Variants in GYG2 observed in about 807,000 individuals in gnomAD.
GYG2 encodes the protein glycogenin-2.
GYG2 carries 29 observed loss-of-function variants against 29.4 expected under a neutral mutation model. That is an observed-to-expected ratio of 0.99 (90% confidence interval 0.74 to 1.35). GYG2 has a LOEUF of 1.35. Among genes scored for constraint, GYG2 ranks in the 40% most tolerant of loss-of-function variants. GYG2 has a pLI of 0.00. For synonymous variants in GYG2, 167 were observed against 172.3 expected (o/e 0.97, Z 0.24); for missense variants, 370 against 385.7 (o/e 0.96, Z 0.34).
chrX:2,850,824 T>G lies in GYG2; in HGVS notation c.150-3156T>G, dbSNP rs138972950. Among the ~76,000 whole-genome samples, 174 of 110,043 alleles carry G rather than the reference T, an allele frequency of 1.6e-3. 1 individual carries two copies. The East Asian group carries it at 0.036, about 23-fold the overall frequency. ...ATCTTATAAAACGGCCCCACCCCTA[T>G]CTCCCTTCGCTGACTCTCTTTTCGG... On this transcript the variant is annotated intron_variant, in intron 3 of 10. Transcript: ENST00000398806.
Position 2,859,079 on chromosome X carries a change from A to G in GYG2, c.615-764A>G, listed in dbSNP as rs747226930. Among the ~76,000 whole-genome samples, 147 of 112,020 alleles carry G rather than the reference A, an allele frequency of 1.3e-3. 1 individual carries two copies. Among genetic ancestry groups the G allele is most frequent in the African/African-American group, 4.5e-3 (140 of 30,923 alleles). Reference sequence around the variant, plus strand: ...ATATATAGAAAATAAAATAACTGCAAAAACTGTGATTTAAAAAATATATCT... The same window carrying G: ...ATATATAGAAAATAAAATAACTGCAGAAACTGTGATTTAAAAAATATATCT... On this transcript the variant is annotated intron_variant, in intron 6 of 10. Coordinates refer to ENST00000398806, the MANE Select transcript of GYG2 (RefSeq NM_001079855.2).
At chrX:2,837,868 C>T (rs200846158) in intron 2 of GYG2, among the ~76,000 whole-genome samples, 23 of 103,492 alleles carry the variant, frequency 2.2e-4, no homozygotes, top group South Asian at 1.7e-3. Flanking sequence ...CACACACACA[C>T]ATACACACAC....
rs778067491 is a variant in GYG2, at chrX:2,869,523, A to T, written c.1039-6287A>T. ...TAGGGGAGCTGAAACACAGATTTTT[A>T]AAAAAAGTTTATTTTCATAAATCGC... On this transcript the variant is annotated intron_variant, in intron 8 of 10. Transcript: ENST00000398806. 1.6e-4 allele frequency among the ~76,000 whole-genome samples: 18 copies of T among 112,521 alleles called. No homozygotes were observed. The South Asian group carries it at 1.9e-3, about 12-fold the overall frequency.
chrX:2,856,714 A>T, intron 6 of GYG2, 90 bp downstream of exon 6: 1 of 688,156 alleles, frequency 1.5e-6, no homozygotes, highest in Non-Finnish European at 2.2e-6. Context: ...CGGCATATTT[A>T]AAAACTCTAT....
At chrX:2,851,820 G>A (rs1160824040) in intron 3 of GYG2, among the ~76,000 whole-genome samples, 1 of 112,121 alleles carries the variant, frequency 8.9e-6, no homozygotes, top group Non-Finnish European at 1.9e-5. Flanking sequence ...CTAAAAATCA[G>A]TGAGTCTTGT....
In GYG2 at chrX:2,869,016, TAAA is replaced by T. The variant is rs34020477; in HGVS notation, c.1039-6782_1039-6780del. ...AATCAATAAATATTTCTGAACATCT[TAAA>T]AAAAAAAAAAAGAGGGATGCTGTCC... On this transcript the variant is annotated intron_variant, in intron 8 of 10. Coordinates refer to ENST00000398806, the MANE Select transcript of GYG2 (RefSeq NM_001079855.2). Among the ~76,000 whole-genome samples, 10 of 96,506 alleles carry T rather than the reference TAAA, an allele frequency of 1.0e-4. 1 individual carries two copies. The South Asian group carries it at 5.2e-3, about 50-fold the overall frequency. The allele number at this position is 96,506 out of a possible 115,157, so 83.8% of individuals were successfully genotyped here.
At chrX:2,831,686 C>T (rs192190683) in intron 2 of GYG2, among the ~76,000 whole-genome samples, 3 of 111,742 alleles carry the variant, frequency 2.7e-5, no homozygotes, top group East Asian at 2.8e-4. Context: ...TGGTCAGCCT[C>T]GTGCCAGAAG....
chrX:2,861,072 C>T (rs2088153036), intron 7 of GYG2, among the ~76,000 whole-genome samples: 1 of 110,104 alleles, frequency 9.1e-6, no homozygotes, highest in African/African-American at 3.3e-5. Context: ...ACAACAGAGT[C>T]TGCTATCAGC....
At chrX:2,846,053 ATATTTTTTTTT>A (rs1274197494) in intron 3 of GYG2, among the ~76,000 whole-genome samples, 3 of 29,969 alleles carry the variant, frequency 1.0e-4, no homozygotes, top group African/African-American at 3.9e-4. Context: ...ATATATATAT[ATATTTTTTTTT>A]TTTTTTTTTT....
chrX:2,840,242 G>T (rs2087464415), intron 2 of GYG2, among the ~76,000 whole-genome samples: 1 of 111,614 alleles, frequency 9.0e-6, no homozygotes, highest in South Asian at 3.7e-4. Context: ...GGTGAGGACG[G>T]GGTAGGGGAT....
chrX:2,854,336 C>T (rs1418688087), intron 4 of GYG2, among the ~76,000 whole-genome samples, 182 bp downstream of exon 4: 2 of 111,794 alleles, frequency 1.8e-5, no homozygotes, highest in African/African-American at 6.5e-5. Context: ...ATTCTCCCAC[C>T]TCAGCCTCCC....
At chrX:2,846,053 ATATTTTTTTTTTTTTT>A (rs1326441760) in intron 3 of GYG2, among the ~76,000 whole-genome samples, 5,106 of 29,742 alleles carry the variant, frequency 0.17, 165 homozygotes, top group South Asian at 0.35. Flanking sequence ...ATATATATAT[ATATTTTTTTTTTTTTT>A]TTTTTTTTTT....
At chrX:2,848,289 A>G (rs777905314) in intron 3 of GYG2, among the ~76,000 whole-genome samples, 114 of 111,547 alleles carry the variant, frequency 1.0e-3, no homozygotes, top group African/African-American at 3.5e-3. Flanking sequence ...CTGTAATCCC[A>G]GCACTTTGGG....
intron 3 of GYG2, among the ~76,000 whole-genome samples, chrX:2,850,763 C>G (rs1021329181): frequency 9.1e-6 from 1 of 110,313 alleles, no homozygotes; most frequent in Non-Finnish European, 1.9e-5. Context: ...CAGAGAACAA[C>G]CCCCCTTTGA....
In GYG2 at chrX:2,830,145, G is replaced by T. The variant is rs775311684; in HGVS notation, c.-44G>T. On this transcript the variant is annotated 5_prime_UTR_variant, in exon 2 of 11. Transcript: ENST00000398806. ...GGAAGTCCACCCACTGCTCCCGGGC[G>T]CAGGTCTGCAGGTCCGCGCCCACTG... is the stretch of plus-strand genomic sequence containing the variant. 69 of 1,192,569 alleles carry T rather than the reference G, an allele frequency of 5.8e-5. No homozygotes were observed. The highest frequency in any genetic ancestry group is 7.3e-5 in the Non-Finnish European group (64 of 879,314).
chrX:2,881,713 G>A lies in GYG2; in HGVS notation c.*500G>A, dbSNP rs1446972272. ...TAGGGCTAAGGAAACATTTAGACGT[G>A]GTGACTGACTTTCATTTGGACTTGG... On this transcript the variant is annotated 3_prime_UTR_variant, in exon 11 of 11. Coordinates refer to ENST00000398806, the MANE Select transcript of GYG2 (RefSeq NM_001079855.2). 1 of 111,938 alleles carries A rather than the reference G, an allele frequency of 8.9e-6. No homozygotes were observed. The highest frequency in any genetic ancestry group is 1.9e-5 in the Non-Finnish European group (1 of 53,301). 9.2% of individuals were successfully genotyped at this position (111,938 alleles called of 1,213,427 possible).
chrX:2,880,253 C>T (rs1257423529), intron 10 of GYG2, among the ~76,000 whole-genome samples: 8 of 108,101 alleles, frequency 7.4e-5, no homozygotes, highest in African/African-American at 2.7e-4. Flanking sequence ...AGGAACTCTG[C>T]CATTGAAAAA....
chrX:2,878,509 A>T (rs1283476081), intron 10 of GYG2, among the ~76,000 whole-genome samples: 2 of 111,100 alleles, frequency 1.8e-5, no homozygotes, highest in African/African-American at 3.3e-5. Context: ...GCCTCAAGTG[A>T]TCCTCCTTTT....
At chrX:2,867,908 C>T (rs751364178) in intron 8 of GYG2, among the ~76,000 whole-genome samples, 8 of 111,017 alleles carry the variant, frequency 7.2e-5, no homozygotes, top group African/African-American at 2.6e-4. Flanking sequence ...CCAGCCTGGC[C>T]AACACGGTGA....
Sources: allele counts gnomAD v4.1 joint callset (sites outside exome capture counted in the v4.1 genomes callset), GRCh38; gene constraint gnomAD v4.1.1; transcripts MANE v1.5; gene names NCBI Gene and HGNC (gene_info 2026-07-23, HGNC 2026-07-21).